The following KMT2D variants were observed in gnomAD, a reference collection of about 807,000 sequenced individuals.
The protein encoded by KMT2D is lysine methyltransferase 2D.
KMT2D carries 55 observed loss-of-function variants against 512.7 expected under a neutral mutation model. The observed-to-expected ratio is 0.11, with a 90% CI of 0.09 to 0.13. The LOEUF is 0.13. Among genes scored for constraint, KMT2D ranks in the 10% least tolerant of loss-of-function variants. The pLI, the probability that KMT2D is intolerant of heterozygous loss-of-function variation, is 1.00. For synonymous variants in KMT2D, 2,995 were observed against 2,904.0 expected (o/e 1.03, Z -1.01); for missense variants, 6,061 against 7,127.9 (o/e 0.85, Z 5.39).
In KMT2D at chr12:49,022,002, G is replaced by A. The variant is rs1403375891; in HGVS notation, c.16521+41C>T. 5 of 1,580,494 alleles carry A rather than the reference G, an allele frequency of 3.2e-6. No homozygotes were observed. The highest frequency in any genetic ancestry group is 1.1e-5 in the South Asian group (1 of 90,426). On this transcript the variant is annotated intron_variant, in intron 54 of 54. Coordinates refer to ENST00000301067, the MANE Select transcript of KMT2D (RefSeq NM_003482.4). This position sits in a 1 kb window ranked among gnomAD's most constrained non-coding sequence, Gnocchi z 8.6. ...AATGGCAGAGAAGGGGTGAAAGGAG[G>A]AGGAGCTGCTTTGTCACTCAGTCAG...
chr12:49,037,936 C>T lies in KMT2D; in HGVS notation c.9420G>A (p.Lys3140=), dbSNP rs1303230878. The change falls in exon 35 of 55, where the codon AAG becomes AAA. Residue 3140 remains lysine (K), a synonymous_variant. Coordinates refer to ENST00000301067, the MANE Select transcript of KMT2D (RefSeq NM_003482.4). ...AATTGGCAGCAGGTGCGGGCTCTACCTTGGGGGTAGCAATGGTGAATTGGC... is the reference window on the plus strand; with the variant it reads ...AATTGGCAGCAGGTGCGGGCTCTACTTTGGGGGTAGCAATGGTGAATTGGC... ...SPCQFTIATP[K]VEPAPAANSL... is the part of the protein sequence containing the mutation. 6.2e-7 allele frequency: 1 copy of T among 1,604,552 alleles called. No individual in the cohort carries two copies. Among genetic ancestry groups the T allele is most frequent in the Non-Finnish European group, 8.5e-7 (1 of 1,175,838 alleles).
intron 35 of KMT2D, among the ~76,000 whole-genome samples, chr12:49,036,478 ATTTTTTTTT>A (rs34412400): frequency 8.2e-5 from 6 of 73,448 alleles, no homozygotes; most frequent in East Asian, 4.1e-4. Flanking sequence ...CACCCAGCTA[ATTTTTTTTT>A]TTTTTTTTTT....
Position 49,026,274 on chromosome 12 carries a change from G to A in KMT2D, c.15692C>T (p.Ser5231Phe), listed in dbSNP as rs2137715075. 1 of 1,611,270 alleles carries A rather than the reference G, an allele frequency of 6.2e-7. No homozygotes were observed. Among genetic ancestry groups the A allele is most frequent in the Non-Finnish European group, 8.5e-7 (1 of 1,177,558 alleles). ...TNNRRCCYRC[S>F]IGENNGRPEF... ...CGGCCGCCCGTTGTTCTCACCAATA[G>A]AACAGCGATAGCAGCAGCGACGATT... Residue 5231 changes from serine (S) to phenylalanine (F), a missense_variant, in exon 49 of 55, where the codon TCT (serine) becomes TTT (phenylalanine). By Grantham distance (155) the Ser-to-Phe change is radical. This residue lies in a region of KMT2D where 261 missense variants were observed against 440.7 expected (regional missense o/e 0.59). Coordinates refer to ENST00000301067, the MANE Select transcript of KMT2D (RefSeq NM_003482.4). This position sits in a 1 kb window ranked among gnomAD's most constrained non-coding sequence, Gnocchi z 9.6.
chr12:49,037,437 C>A lies in KMT2D; in HGVS notation c.9919G>T (p.Ala3307Ser), dbSNP rs2120479051. ...AGGGAAAGCTGCTGTTGGGACCCAG[C>A]CAAACTGGGAGAAGAGCCCTCATGT... is the stretch of plus-strand genomic sequence containing the variant. ...LPHEGSSPSL[A>S]GSQQQLSLGL... Residue 3307 changes from alanine to serine, a missense_variant, in exon 35 of 55, where the codon GCT becomes TCT. Transcript: ENST00000301067. 2 of 1,588,328 alleles carry A rather than the reference C, an allele frequency of 1.3e-6. No homozygotes were observed. Among genetic ancestry groups the A allele is most frequent in the Non-Finnish European group, 8.6e-7 (1 of 1,167,508 alleles).
rs747466300 is a variant in KMT2D at position 49,038,004 on chromosome 12, C to T, written c.9352G>A (p.Val3118Met). 4 of 1,605,564 alleles carry T rather than the reference C, an allele frequency of 2.5e-6. No individual in the cohort carries two copies. Among genetic ancestry groups the T allele is most frequent in the Non-Finnish European group, 3.4e-6 (4 of 1,176,244 alleles). ...EPRLASVLPEVKPKVEEGGRH... is the reference protein window; with the variant it reads ...EPRLASVLPEMKPKVEEGGRH... Reference sequence around the variant, plus strand: ...CCACCCTCCTCCACCTTGGGCTTCACCTCAGGGAGCACAGATGCCAGGCGG... The same window carrying T: ...CCACCCTCCTCCACCTTGGGCTTCATCTCAGGGAGCACAGATGCCAGGCGG... Residue 3118 changes from valine (V) to methionine (M), a missense_variant, in exon 35 of 55, where the codon GTG (valine) becomes ATG (methionine). Physicochemically the swap from Val to Met is conservative, Grantham distance 21 (BLOSUM62 1). Around this residue, in one of 16 missense-constraint regions of KMT2D, gnomAD observed 533 missense variants for 539.6 expected, o/e 0.99. Transcript: ENST00000301067. This position sits in a 1 kb window ranked among gnomAD's most constrained non-coding sequence, Gnocchi z 5.7.
chr12:49,024,786 C>A lies in KMT2D; in HGVS notation c.15921+24G>T. 2 of 1,610,184 alleles carry A rather than the reference C, an allele frequency of 1.2e-6. No individual in the cohort carries two copies. The highest frequency in any genetic ancestry group is 2.2e-5 in the East Asian group (1 of 44,770). ...AAAGTTCTCAGTGCCCGCCAAGCCCCCCAGCTCCCAGCCCCTTCCTTACTG... is the reference window on the plus strand; with the variant it reads ...AAAGTTCTCAGTGCCCGCCAAGCCCACCAGCTCCCAGCCCCTTCCTTACTG... On this transcript the variant is annotated intron_variant, in intron 50 of 54. Transcript: ENST00000301067. This position sits in a 1 kb window ranked among gnomAD's most constrained non-coding sequence, Gnocchi z 4.5.
chr12:49,047,391 G>T (rs1943840217), intron 15 of KMT2D, among the ~76,000 whole-genome samples: 1 of 149,906 alleles, frequency 6.7e-6, no homozygotes, highest in African/African-American at 2.5e-5. Context: ...ACCGAATTAG[G>T]TCCCCCAGTT....
rs1281498394 is a variant in KMT2D, at chr12:49,051,002, A to G, written c.2681T>C (p.Leu894Ser). The G allele has an allele frequency of 6.4e-7, 1 of 1,570,264 alleles. No homozygotes were observed. Among genetic ancestry groups the G allele is most frequent in the East Asian group, 2.2e-5 (1 of 44,526 alleles). Reference sequence around the variant, plus strand: ...CTCAGACAGGGCTGGCTCTCCAAGCAAGGGAGATAAGGATGGTTCCCCAGG... The same window carrying G: ...CTCAGACAGGGCTGGCTCTCCAAGCGAGGGAGATAAGGATGGTTCCCCAGG... ...PPPGEPSLSP[L>S]LGEPALSEPG... Residue 894 changes from leucine to serine, a missense_variant, in exon 11 of 55, where the codon TTG (leucine) becomes TCG (serine). Leu to Ser is a moderately radical substitution (Grantham distance 145). Coordinates refer to ENST00000301067, the MANE Select transcript of KMT2D (RefSeq NM_003482.4).
rs1225433147 is a variant in KMT2D, at chr12:49,031,174, C to T, written c.13530+1G>A. On this transcript the variant is annotated splice_donor_variant, in intron 40 of 54. Transcript: ENST00000301067. LOFTEE classifies it high-confidence loss of function. ...TGCTCCACTCTACTCAGAGTACTCA[C>T]CTCCTTGTTGCTGGGGGTACCCTGT... The T allele has an allele frequency of 6.2e-7, 1 of 1,607,468 alleles. No individual in the cohort carries two copies. The highest frequency in any genetic ancestry group is 1.7e-5 in the Admixed American group (1 of 59,882).
chr12:49,027,701 C>T (rs889959885), intron 48 of KMT2D, 102 bp downstream of exon 48: 32 of 1,420,904 alleles, frequency 2.3e-5, no homozygotes, highest in Non-Finnish European at 2.7e-5. Context: ...GTGATTCACT[C>T]GCCTTGCCTC....
rs1325236704 is a variant in KMT2D at position 49,044,450 on chromosome 12, T to C, written c.5036A>G (p.Glu1679Gly). Residue 1679 changes from glutamate to glycine, a missense_variant, in exon 21 of 55, where the codon GAG becomes GGG. Physicochemically the swap from Glu to Gly is moderately conservative, Grantham distance 98 (BLOSUM62 -2). Transcript: ENST00000301067. The surrounding 1 kb of genome is among the most constrained non-coding windows in gnomAD (Gnocchi z 6.4). The stretch of plus-strand genomic sequence containing the variant: ...GCGTTTTTTGCTTTCCTCGGTCTCC[T>C]CTTTGCCAGGCTCCACATCAGGGCT... ...PVSPDVEPGK[E>G]ETEESKKRKR... The C allele has an allele frequency of 1.2e-6, 2 of 1,613,744 alleles. No homozygotes were observed. Among genetic ancestry groups the C allele is most frequent in the African/African-American group, 1.3e-5 (1 of 74,860 alleles).
At position 49,057,505 on chromosome 12, in the gene KMT2D, A is replaced by T. The variant is rs61942220; in HGVS notation, c.-38+2108T>A. Among the ~76,000 whole-genome samples, 1,412 of 152,334 alleles carry T rather than the reference A, an allele frequency of 9.3e-3. 13 individuals carry two copies. The highest frequency in any genetic ancestry group is 0.014 in the Non-Finnish European group (936 of 68,028). On this transcript the variant is annotated intron_variant, in intron 1 of 54. Coordinates refer to ENST00000301067, the MANE Select transcript of KMT2D (RefSeq NM_003482.4). The stretch of plus-strand genomic sequence containing the variant: ...CACCTTCATCTGGCCTTGAGAGAGT[A>T]CTAACATCCTCCAAAGCCAGAGCCC...
At position 49,026,713 on chromosome 12, in the gene KMT2D, G is replaced by A. The variant is rs2120361948; in HGVS notation, c.15253C>T (p.His5085Tyr). 2 of 1,614,006 alleles carry A rather than the reference G, an allele frequency of 1.2e-6. No homozygotes were observed. The highest frequency in any genetic ancestry group is 1.7e-6 in the Non-Finnish European group (2 of 1,179,900). Residue 5085 changes from histidine (H) to tyrosine (Y), a missense_variant, in exon 49 of 55, where the codon CAC (histidine) becomes TAC (tyrosine). Around this residue, in one of 16 missense-constraint regions of KMT2D, gnomAD observed 261 missense variants for 440.7 expected, o/e 0.59. Coordinates refer to ENST00000301067, the MANE Select transcript of KMT2D (RefSeq NM_003482.4). This position sits in a 1 kb window ranked among gnomAD's most constrained non-coding sequence, Gnocchi z 9.6. ...GAGCACTTGGTTAGCAGTCCTCGGTGCAGGGCAACCTCCACATTCATCAGT... is the reference window on the plus strand; with the variant it reads ...GAGCACTTGGTTAGCAGTCCTCGGTACAGGGCAACCTCCACATTCATCAGT... The part of the protein sequence containing the change: ...GALMNVEVAL[H>Y]RGLLTKCSLC...
rs779927573 is a variant in KMT2D, at chr12:49,042,489, G to A, written c.5867+72C>T. Reference sequence around the variant, plus strand: ...GGAAGTGCTGCAGGAGTCCGAGGGAGGCAAAGCATGAACTCAGATGGAGGG... The same window carrying A: ...GGAAGTGCTGCAGGAGTCCGAGGGAAGCAAAGCATGAACTCAGATGGAGGG... On this transcript the variant is annotated intron_variant, in intron 28 of 54. Coordinates refer to ENST00000301067, the MANE Select transcript of KMT2D (RefSeq NM_003482.4). The surrounding 1 kb of genome is among the most constrained non-coding windows in gnomAD (Gnocchi z 4.4). 2.1e-5 allele frequency: 32 copies of A among 1,555,044 alleles called. No individual in the cohort carries two copies. Among genetic ancestry groups the A allele is most frequent in the Admixed American group, 3.7e-5 (2 of 53,718 alleles).
At chr12:49,049,329 C>T (rs1318187071) in intron 12 of KMT2D, 111 bp from the exon 13 acceptor site, 7 of 697,074 alleles carry the variant, frequency 1.0e-5, no homozygotes, top group Non-Finnish European at 1.7e-5. Context: ...GGTAATAAGC[C>T]CAGGAGTCCC....
In KMT2D at chr12:49,033,683, A is replaced by G. The variant is rs1943069655; in HGVS notation, c.11022T>C (p.Asn3674=). 1 of 1,613,532 alleles carries G rather than the reference A, an allele frequency of 6.2e-7. No individual in the cohort carries two copies. The highest frequency in any genetic ancestry group is 1.3e-5 in the African/African-American group (1 of 74,926). ...LPGQPGGPFL[N]TALAQQQQQQ... Reference sequence around the variant, plus strand: ...GTTGCTGCTGTTGGGCCAGAGCTGTATTAAGGAAGGGGCCACCAGGCTGTC... The same window carrying G: ...GTTGCTGCTGTTGGGCCAGAGCTGTGTTAAGGAAGGGGCCACCAGGCTGTC... Residue 3674 remains asparagine (N), a synonymous_variant, in exon 40 of 55, where the codon AAT becomes AAC. Transcript: ENST00000301067.
chr12:49,048,170 A>G (rs1937671243), intron 14 of KMT2D, 101 bp from the exon 15 acceptor site: 2 of 757,182 alleles, frequency 2.6e-6, no homozygotes, highest in Admixed American at 4.7e-5. Flanking sequence ...GACCAGAGTC[A>G]GGAACCCCAT....
chr12:49,047,921 C>G (rs1565809375), intron 15 of KMT2D, 44 bp downstream of exon 15: 3 of 1,365,260 alleles, frequency 2.2e-6, no homozygotes, highest in Non-Finnish European at 3.1e-6. Flanking sequence ...TAAGAAATAA[C>G]TGACCCTATT....
In KMT2D at chr12:49,038,164, A is replaced by G. The variant is rs554323748; in HGVS notation, c.9192T>C (p.Asp3064=). 1.2e-6 allele frequency: 2 copies of G among 1,613,892 alleles called. No homozygotes were observed. Among genetic ancestry groups the G allele is most frequent in the African/African-American group, 2.7e-5 (2 of 75,034 alleles). The change falls in exon 35 of 55, where the codon GAT becomes GAC. Residue 3064 remains aspartate (D), a synonymous_variant. Transcript: ENST00000301067. The surrounding 1 kb of genome is among the most constrained non-coding windows in gnomAD (Gnocchi z 5.7). ...DPELDTGDKK[D]IFNEHLRLVE... is the part of the protein sequence containing the mutation. ...CCAGCCTCAGGTGCTCATTGAAGAT[A>G]TCCTTCTTGTCCCCAGTGTCCAGCT...
Sources: gnomAD v4.1 joint callset for allele counts (sites outside exome capture counted in the v4.1 genomes callset) on GRCh38, gnomAD v4.1.1 for gene constraint, gnomAD v4.1.1 regional missense constraint, Gnocchi (gnomAD v3.1) non-coding constraint, MANE v1.5 for transcripts, NCBI Gene and HGNC (gene_info 2026-07-23, HGNC 2026-07-21) for gene names.